DNAH14: variants seen among roughly 807,000 people sequenced by gnomAD.
The protein encoded by DNAH14 is axonemal beta dynein heavy chain 14.
In DNAH14, 478 loss-of-function variants were observed where a neutral mutation model predicts 520.9. That is an observed-to-expected ratio of 0.92 (90% CI 0.85 to 0.99). The LOEUF is 0.99. Ranked by LOEUF, DNAH14 falls within the 50% of genes least tolerant of loss-of-function variation. The pLI is 0.00. For missense variants in DNAH14, 4,831 were observed against 5,234.5 expected (o/e 0.92, Z 2.38); for synonymous variants, 1,581 against 1,757.2 (o/e 0.90, Z 2.51).
At chr1:225,327,451 G>A (rs563997946) in intron 64 of DNAH14, among the ~76,000 whole-genome samples, 155 of 152,132 alleles carry the variant, frequency 1.0e-3, no homozygotes, top group African/African-American at 3.6e-3. Flanking sequence ...GTCAGCCACC[G>A]CACCTGGCCG....
Position 225,368,008 on chromosome 1 carries a change from T to C in DNAH14, c.12294T>C (p.Tyr4098=). 1 of 1,549,358 alleles carries C rather than the reference T, an allele frequency of 6.5e-7. No individual in the cohort carries two copies. Among genetic ancestry groups the C allele is most frequent in the East Asian group, 2.4e-5 (1 of 40,914 alleles). ...GAATATTGGGCTGGAATATTGCTTA[T>C]AAATTTAATTCTTCAGACTTGGGGG... ...NYGILGWNIA[Y]KFNSSDLGVA... is the part of the protein sequence containing the mutation. The change falls in exon 77 of 86, where the codon TAT becomes TAC. Residue 4098 remains tyrosine, a synonymous_variant. Transcript: ENST00000682510.
At chr1:225,362,569 A>G (rs138560120) in intron 75 of DNAH14, among the ~76,000 whole-genome samples, 7,508 of 132,474 alleles carry the variant, frequency 0.057, 627 homozygotes, top group African/African-American at 0.19. Context: ...AGGAAGACTC[A>G]GTCTCAAAAA....
chr1:225,051,680 A>G lies in DNAH14; in HGVS notation c.2309A>G (p.Asn770Ser). ...ATTGAGAAGCGTATTGGTATTTTCAACGTTGTAAGTCTTGATTATCAATCA... is the reference window on the plus strand; with the variant it reads ...ATTGAGAAGCGTATTGGTATTTTCAGCGTTGTAAGTCTTGATTATCAATCA... Reference protein sequence around the residue: ...MAIEKRIGIFNVVSLDYQSEC... With the variant: ...MAIEKRIGIFSVVSLDYQSEC... Residue 770 changes from asparagine (N) to serine (S), a missense_variant, in exon 17 of 86, where the codon AAC becomes AGC. Transcript: ENST00000682510. 1 of 1,551,352 alleles carries G rather than the reference A, an allele frequency of 6.4e-7. No individual in the cohort carries two copies. The highest frequency in any genetic ancestry group is 1.4e-5 in the African/African-American group (1 of 73,158).
At chr1:225,155,042 C>T (rs1349934768) in intron 34 of DNAH14, among the ~76,000 whole-genome samples, 1 of 151,846 alleles carries the variant, frequency 6.6e-6, no homozygotes, top group South Asian at 2.1e-4. Flanking sequence ...ACACTCAACC[C>T]CACACGTAAT....
chr1:224,994,207 A>C (rs577900504), intron 8 of DNAH14, among the ~76,000 whole-genome samples: 18 of 152,134 alleles, frequency 1.2e-4, no homozygotes, highest in African/African-American at 4.3e-4. Flanking sequence ...TTTGGTCTAA[A>C]GTGTTAAGTT....
chr1:225,345,146 C>T (rs2095267474), intron 69 of DNAH14, among the ~76,000 whole-genome samples: 1 of 152,192 alleles, frequency 6.6e-6, no homozygotes, highest in Admixed American at 6.5e-5. Context: ...GCAAAAGCTT[C>T]ACCTGCATCA....
At chr1:225,229,731 G>A (rs1186504187) in intron 41 of DNAH14, among the ~76,000 whole-genome samples, 3 of 151,692 alleles carry the variant, frequency 2.0e-5, no homozygotes, top group South Asian at 2.1e-4. Context: ...GAACATATGG[G>A]CACAAGGGGG....
chr1:225,176,201 A>G (rs969678915), intron 36 of DNAH14, among the ~76,000 whole-genome samples: 2 of 151,610 alleles, frequency 1.3e-5, no homozygotes, highest in African/African-American at 4.8e-5. Flanking sequence ...AATTTTTTTC[A>G]TTGACCCATT....
Position 225,377,566 on chromosome 1 carries a change from T to G in DNAH14, c.12716+130T>G, listed in dbSNP as rs1248999765. ...CTTGAGCTCAGGAGTTCGAGACCAC[T>G]CTGAGCAACATGGTGAAACCCTGTC... is the stretch of plus-strand genomic sequence containing the variant. On this transcript the variant is annotated intron_variant, in intron 79 of 85. Coordinates refer to ENST00000682510, the MANE Select transcript of DNAH14 (RefSeq NM_001367479.1). 6.0e-6 allele frequency: 5 copies of G among 837,806 alleles called. No individual in the cohort carries two copies. The East Asian group carries it at 1.4e-4, about 24-fold the overall frequency. 51.9% of individuals were successfully genotyped at this position (837,806 alleles called of 1,614,324 possible).
chr1:225,143,995 G>A (rs2079689376), intron 28 of DNAH14, among the ~76,000 whole-genome samples: 1 of 152,138 alleles, frequency 6.6e-6, no homozygotes, highest in Non-Finnish European at 1.5e-5. Flanking sequence ...AGAACAAATA[G>A]CATTTCTCTT....
chr1:225,029,090 A>G (rs1316329116), intron 11 of DNAH14, among the ~76,000 whole-genome samples: 1 of 152,164 alleles, frequency 6.6e-6, no homozygotes, highest in East Asian at 1.9e-4. Context: ...AGTACTTCTC[A>G]GCAATAAAAA....
intron 35 of DNAH14, among the ~76,000 whole-genome samples, chr1:225,162,175 G>A (rs2081578882): frequency 1.3e-5 from 2 of 152,038 alleles, no homozygotes; most frequent in African/African-American, 4.8e-5. Context: ...ATTTTTATTT[G>A]ATTTTTATGT....
At chr1:225,088,087 G>A (rs2073996832) in intron 21 of DNAH14, among the ~76,000 whole-genome samples, 1 of 152,090 alleles carries the variant, frequency 6.6e-6, no homozygotes, top group Admixed American at 6.5e-5. Context: ...CCAGAACAAA[G>A]CTCAAGACTA....
chr1:225,256,142 C>T (rs1016845521), intron 44 of DNAH14, among the ~76,000 whole-genome samples: 9 of 152,104 alleles, frequency 5.9e-5, no homozygotes, highest in Non-Finnish European at 8.8e-5. Flanking sequence ...AAAGGATCAA[C>T]TTAAAACTAC....
intron 1 of DNAH14, among the ~76,000 whole-genome samples, chr1:224,941,950 C>G (rs1486190774): frequency 6.6e-6 from 1 of 152,172 alleles, no homozygotes; most frequent in Non-Finnish European, 1.5e-5. Context: ...CGTGATGCCT[C>G]CAGCTTTGTT....
chr1:225,170,738 C>T (rs79361871), intron 36 of DNAH14, among the ~76,000 whole-genome samples: 5 of 152,036 alleles, frequency 3.3e-5, no homozygotes, highest in South Asian at 2.1e-4. Flanking sequence ...AGGATATCCA[C>T]GAATTGAATT....
chr1:225,000,610 T>C (rs1343857235), intron 8 of DNAH14, among the ~76,000 whole-genome samples: 2 of 151,534 alleles, frequency 1.3e-5, no homozygotes, highest in Admixed American at 1.3e-4. Flanking sequence ...TCTCACTCTG[T>C]TGCCCAGGCT....
At chr1:225,118,092 T>C (rs2077004663) in intron 25 of DNAH14, 93 bp downstream of exon 25, 3 of 908,410 alleles carry the variant, frequency 3.3e-6, no homozygotes, top group South Asian at 1.4e-5. Context: ...AAAAGTGCGC[T>C]AAGCAAACTG....
At chr1:225,111,649 G>A (rs1263613980) in intron 23 of DNAH14, among the ~76,000 whole-genome samples, 2 of 151,674 alleles carry the variant, frequency 1.3e-5, no homozygotes, top group Non-Finnish European at 2.9e-5. Context: ...TCATAAGTAA[G>A]GACTTATGCT....
Sources: gnomAD v4.1 joint callset for allele counts (sites outside exome capture counted in the v4.1 genomes callset) on GRCh38, gnomAD v4.1.1 for gene constraint, MANE v1.5 for transcripts, NCBI Gene and HGNC (gene_info 2026-07-23, HGNC 2026-07-21) for gene names.